RTN1: variants seen among roughly 807,000 people sequenced by gnomAD.
The protein encoded by RTN1 is reticulon 1.
Under a neutral mutation model 65.5 loss-of-function variants are expected in RTN1, and 25 were observed. That is an observed-to-expected ratio of 0.38 (90% CI 0.28 to 0.53). The LOEUF (loss-of-function observed/expected upper bound fraction) is 0.53, where lower values mean the gene tolerates loss of function less well. Among genes scored for constraint, RTN1 ranks in the 20% least tolerant of loss-of-function variants. RTN1 has a pLI of 0.79. For missense variants in RTN1, 983 were observed against 1,025.4 expected, an observed-to-expected ratio of 0.96 and a Z score of 0.57; for synonymous variants, 471 against 447.6, an observed-to-expected ratio of 1.05 and a Z score of -0.66.
chr14:59,768,540 ATT>A (rs1359312959), intron 1 of RTN1, among the ~76,000 whole-genome samples: 1 of 152,096 alleles, frequency 6.6e-6, no homozygotes, highest in Non-Finnish European at 1.5e-5. Context: ...AGAGCCCTGG[ATT>A]GTGTGTAGAA....
intron 4 of RTN1, among the ~76,000 whole-genome samples, chr14:59,606,793 A>G (rs150204797): frequency 1.3e-3 from 197 of 152,278 alleles, no homozygotes; most frequent in African/African-American, 4.5e-3. Flanking sequence ...GATACATGAG[A>G]AGACTGTTCA....
At chr14:59,617,516 A>G (rs1031234176) in intron 3 of RTN1, among the ~76,000 whole-genome samples, 1 of 152,238 alleles carries the variant, frequency 6.6e-6, no homozygotes, top group African/African-American at 2.4e-5. Context: ...TTCATTTTAT[A>G]AACAAACCAT....
At chr14:59,631,261 CTGTT>C (rs1242747639) in intron 3 of RTN1, among the ~76,000 whole-genome samples, 2 of 152,196 alleles carry the variant, frequency 1.3e-5, no homozygotes, top group African/African-American at 4.8e-5. Flanking sequence ...TTACCCCTCT[CTGTT>C]TGTGGGTTGA....
chr14:59,820,306 A>G (rs1037448799), intron 1 of RTN1, among the ~76,000 whole-genome samples: 3 of 145,570 alleles, frequency 2.1e-5, no homozygotes, highest in Admixed American at 6.8e-5. Flanking sequence ...TGTTAGACAC[A>G]TAGCTTGTGA....
At chr14:59,791,155 T>C (rs976197599) in intron 1 of RTN1, among the ~76,000 whole-genome samples, 1 of 152,188 alleles carries the variant, frequency 6.6e-6, no homozygotes, top group African/African-American at 2.4e-5. Context: ...AATAAATTCA[T>C]CTCTCCTTAG....
intron 1 of RTN1, among the ~76,000 whole-genome samples, chr14:59,795,610 T>C (rs1048583067): frequency 6.6e-6 from 1 of 152,210 alleles, no homozygotes; most frequent in African/African-American, 2.4e-5. Flanking sequence ...CATCTACATA[T>C]TTATTGTGAA....
intron 1 of RTN1, among the ~76,000 whole-genome samples, chr14:59,798,905 G>A (rs1886488482): frequency 6.6e-6 from 1 of 152,096 alleles, no homozygotes; most frequent in African/African-American, 2.4e-5. Context: ...CTTAAAAAGT[G>A]ACTCAAACTA....
chr14:59,830,285 G>A (rs1227100049), intron 1 of RTN1, among the ~76,000 whole-genome samples: 1 of 152,232 alleles, frequency 6.6e-6, no homozygotes, highest in East Asian at 1.9e-4. Flanking sequence ...CATTAAAGAT[G>A]TTTTGTGCTG....
Position 59,644,480 on chromosome 14 carries a change from G to A in RTN1, c.1766-36988C>T, listed in dbSNP as rs1205513963. ...ACATGTAGAGCTATGTGGAGTCTTG[G>A]CAGAGCAGCTGCTCAGGCACACGTG... On this transcript the variant is annotated intron_variant, in intron 3 of 8. Transcript: ENST00000267484. 5.9e-5 allele frequency among the ~76,000 whole-genome samples: 9 copies of A among 152,292 alleles called. No individual in the cohort carries two copies. The East Asian group carries it at 1.5e-3, about 26-fold the overall frequency.
intron 3 of RTN1, among the ~76,000 whole-genome samples, chr14:59,618,334 A>C (rs1359902827): frequency 2.0e-5 from 3 of 152,174 alleles, no homozygotes; most frequent in Non-Finnish European, 4.4e-5. Context: ...CAGACCCTGC[A>C]CTTGATGGAT....
intron 3 of RTN1, among the ~76,000 whole-genome samples, chr14:59,708,088 C>T (rs550795507): frequency 3.9e-5 from 6 of 152,286 alleles, no homozygotes; most frequent in African/African-American, 1.4e-4. Flanking sequence ...AAAAATGAAT[C>T]CGGTATTGTT....
intron 1 of RTN1, among the ~76,000 whole-genome samples, chr14:59,775,906 A>C (rs1170739162): frequency 6.6e-6 from 1 of 152,194 alleles, no homozygotes; most frequent in Non-Finnish European, 1.5e-5. Flanking sequence ...TTCCTCTCAC[A>C]ACCAGAAATA....
At chr14:59,598,734 C>T (rs1881485313) in intron 8 of RTN1, among the ~76,000 whole-genome samples, 1 of 152,192 alleles carries the variant, frequency 6.6e-6, no homozygotes, top group Non-Finnish European at 1.5e-5. Context: ...CTCAGAACTT[C>T]TAAAATTTCC....
intron 3 of RTN1, among the ~76,000 whole-genome samples, chr14:59,716,059 G>A (rs181437476): frequency 7.2e-5 from 11 of 152,122 alleles, no homozygotes; most frequent in South Asian, 2.1e-4. Context: ...CTGAATTTCC[G>A]GCTTACAGAC....
chr14:59,846,513 C>G lies in RTN1; in HGVS notation c.241+23877G>C, dbSNP rs1887413819. 6.6e-6 allele frequency among the ~76,000 whole-genome samples: 1 copy of G among 152,060 alleles called. No homozygotes were observed. On this transcript the variant is annotated intron_variant, in intron 1 of 8. Coordinates refer to ENST00000267484, the MANE Select transcript of RTN1 (RefSeq NM_021136.3). The surrounding 1 kb of genome is among the most constrained non-coding windows in gnomAD (Gnocchi z 4.8). The stretch of plus-strand genomic sequence containing the variant: ...TCACCTCAGAGTCCCTACCCAGACA[C>G]CCTTCTGTTCAGTGTTTCTCAGTGG...
intron 3 of RTN1, among the ~76,000 whole-genome samples, chr14:59,625,096 G>C (rs985791377): frequency 2.0e-5 from 3 of 152,180 alleles, no homozygotes; most frequent in Admixed American, 2.0e-4. Flanking sequence ...GGGAGGGAAG[G>C]AGGGAAAGAG....
At chr14:59,614,044 T>C (rs1882036641) in intron 3 of RTN1, among the ~76,000 whole-genome samples, 1 of 152,136 alleles carries the variant, frequency 6.6e-6, no homozygotes, top group African/African-American at 2.4e-5. Context: ...AAGCATGCTC[T>C]TGGCTACTTG....
At chr14:59,788,627 C>T (rs1211035424) in intron 1 of RTN1, among the ~76,000 whole-genome samples, 1 of 152,098 alleles carries the variant, frequency 6.6e-6, no homozygotes, top group African/African-American at 2.4e-5. Flanking sequence ...GTTTTTAATA[C>T]TAATTTGAAA....
chr14:59,832,377 A>G (rs1887140643), intron 1 of RTN1, among the ~76,000 whole-genome samples: 1 of 151,796 alleles, frequency 6.6e-6, no homozygotes, highest in South Asian at 2.1e-4. Flanking sequence ...TGCAGGATCC[A>G]TGGTCCAAGC....
Sources: allele counts gnomAD v4.1 joint callset (sites outside exome capture counted in the v4.1 genomes callset), GRCh38; gene constraint gnomAD v4.1.1; non-coding constraint Gnocchi (gnomAD v3.1); transcripts MANE v1.5; gene names NCBI Gene and HGNC (gene_info 2026-07-23, HGNC 2026-07-21).